Variants in RYR3 observed in about 807,000 individuals in gnomAD.
RYR3 encodes ryanodine receptor 3.
A neutral mutation model predicts 584.3 loss-of-function variants in RYR3; 207 were observed. The observed-to-expected ratio is 0.35, with a 90% confidence interval of 0.32 to 0.40. The LOEUF is 0.40. RYR3 is among the 10% of genes least tolerant of loss of function. RYR3 has a pLI of 1.00. For missense variants in RYR3, 5,616 were observed against 6,089.2 expected (o/e 0.92, Z 2.59); for synonymous variants, 2,416 against 2,248.5 (o/e 1.07, Z -2.11).
chr15:33,565,424 G>C (rs1442122991), intron 11 of RYR3, among the ~76,000 whole-genome samples: 1 of 152,054 alleles, frequency 6.6e-6, no homozygotes, highest in Non-Finnish European at 1.5e-5. Flanking sequence ...GCAAAGTCTT[G>C]TTTCAAAAAT....
rs995420538 is a variant in RYR3 at position 33,412,252 on chromosome 15, C to A, written c.52-61167C>A. On this transcript the variant is annotated intron_variant, in intron 1 of 103. Transcript: ENST00000634891. This position sits in a 1 kb window ranked among gnomAD's most constrained non-coding sequence, Gnocchi z 4.3. ...CCATGCAGCTTTTCAATTTAGTAACCCCTTTGGCTTGAGGCTGGGAAGGCC... is the reference window on the plus strand; with the variant it reads ...CCATGCAGCTTTTCAATTTAGTAACACCTTTGGCTTGAGGCTGGGAAGGCC... Among the ~76,000 whole-genome samples, 2 of 152,030 alleles carry A rather than the reference C, an allele frequency of 1.3e-5. No homozygotes were observed. The highest frequency in any genetic ancestry group is 2.9e-5 in the Non-Finnish European group (2 of 68,014).
intron 1 of RYR3, among the ~76,000 whole-genome samples, chr15:33,425,849 A>G (rs530240868): frequency 1.8e-4 from 28 of 152,036 alleles, no homozygotes; most frequent in East Asian, 7.8e-4. Context: ...TCACCGTGTT[A>G]GCCAGGATGG....
In RYR3 at chr15:33,541,222, G is replaced by T. The variant is rs77545819; in HGVS notation, c.646+332G>T. 8.4e-3 allele frequency among the ~76,000 whole-genome samples: 1,273 copies of T among 152,102 alleles called. 22 individuals are homozygous for T. Among genetic ancestry groups the T allele is most frequent in the African/African-American group, 0.029 (1,198 of 41,498 alleles). ...TTTGCTTACTAGTTGTAAGTATAAA[G>T]ACCTCAGCACCTTCAGTTTTAGAAG... On this transcript the variant is annotated intron_variant, in intron 7 of 103. Transcript: ENST00000634891.
At chr15:33,769,251 G>T in intron 62 of RYR3, 79 bp downstream of exon 62, 1 of 1,063,850 alleles carries the variant, frequency 9.4e-7, no homozygotes. Flanking sequence ...ATACTGAAGA[G>T]AAGACAGATC....
intron 24 of RYR3, 55 bp from the exon 25 acceptor site, chr15:33,634,531 G>C: frequency 2.5e-6 from 4 of 1,586,794 alleles, no homozygotes; most frequent in Middle Eastern, 3.3e-4. Context: ...AATAGGGTGA[G>C]CTGTGGTGAA....
At chr15:33,325,622 CCTTTT>C (rs1385134473) in intron 1 of RYR3, among the ~76,000 whole-genome samples, 3 of 151,808 alleles carry the variant, frequency 2.0e-5, no homozygotes, top group African/African-American at 7.3e-5. Flanking sequence ...TCCTTTCTTT[CCTTTT>C]CTTTTCTTTT....
At position 33,748,456 on chromosome 15, in the gene RYR3, T is replaced by C. The variant is rs764420128; in HGVS notation, c.8137-12T>C. The C allele has an allele frequency of 1.9e-6, 3 of 1,612,724 alleles. No homozygotes were observed. In the Admixed American group the frequency reaches 5.0e-5, roughly 27 times the overall value. On this transcript the variant is annotated splice_polypyrimidine_tract_variant and intron_variant, in intron 54 of 103. Transcript: ENST00000634891. Reference sequence around the variant, plus strand: ...TAATGGCAACCCAGTGACTCTGCCTTTGCTTTCCTAGGGCAACAGCTACAG... The same window carrying C: ...TAATGGCAACCCAGTGACTCTGCCTCTGCTTTCCTAGGGCAACAGCTACAG...
chr15:33,346,638 CG>C (rs904867056), intron 1 of RYR3, among the ~76,000 whole-genome samples: 1 of 152,038 alleles, frequency 6.6e-6, no homozygotes, highest in African/African-American at 2.4e-5. Context: ...CCCTGTTGTG[CG>C]GGGGGCACCT....
At chr15:33,467,639 G>A (rs751908120) in intron 1 of RYR3, among the ~76,000 whole-genome samples, 1 of 152,248 alleles carries the variant, frequency 6.6e-6, no homozygotes, top group Non-Finnish European at 1.5e-5. Flanking sequence ...GCCAAAGGCT[G>A]TATATCCTTG....
chr15:33,700,789 GGGGA>G (rs2066242577), intron 41 of RYR3, among the ~76,000 whole-genome samples, 184 bp from the exon 42 acceptor site: 1 of 152,160 alleles, frequency 6.6e-6, no homozygotes, highest in Admixed American at 6.5e-5. Context: ...CAATGAATGT[GGGGA>G]GGAAGGATAG....
At chr15:33,812,643 A>C (rs1040295966) in intron 72 of RYR3, among the ~76,000 whole-genome samples, 3 of 152,232 alleles carry the variant, frequency 2.0e-5, no homozygotes, top group Non-Finnish European at 4.4e-5. Context: ...AGAGATGACG[A>C]GATAGAAAAT....
chr15:33,383,029 A>G (rs117904574), intron 1 of RYR3, among the ~76,000 whole-genome samples: 165 of 152,216 alleles, frequency 1.1e-3, no homozygotes, highest in African/African-American at 3.8e-3. Flanking sequence ...TAAGAAAACA[A>G]TGTAATCATA....
At chr15:33,648,220 A>G (rs914660004) in intron 30 of RYR3, among the ~76,000 whole-genome samples, 1 of 152,192 alleles carries the variant, frequency 6.6e-6, no homozygotes, top group Non-Finnish European at 1.5e-5. Flanking sequence ...ATTATGCACA[A>G]TATTATGCAC....
At chr15:33,666,825 C>A (rs1037261538) in intron 36 of RYR3, among the ~76,000 whole-genome samples, 4 of 152,166 alleles carry the variant, frequency 2.6e-5, no homozygotes, top group Non-Finnish European at 4.4e-5. Flanking sequence ...AAGGGCATGA[C>A]CTGCAGTGGA....
In RYR3 at chr15:33,837,963, G is replaced by A. The variant is rs1462432911; in HGVS notation, c.11983G>A (p.Ala3995Thr). 7 of 1,613,984 alleles carry A rather than the reference G, an allele frequency of 4.3e-6. No individual in the cohort carries two copies. The highest frequency in any genetic ancestry group is 5.9e-6 in the Non-Finnish European group (7 of 1,179,890). Residue 3995 changes from alanine to threonine, a missense_variant, in exon 89 of 104, where the codon GCT becomes ACT. Around this residue, in one of 9 missense-constraint regions of RYR3, gnomAD observed 258 missense variants for 297.3 expected, o/e 0.87. Coordinates refer to ENST00000634891, the MANE Select transcript of RYR3 (RefSeq NM_001036.6). The stretch of plus-strand genomic sequence containing the variant: ...AGCCAAGGACATAGGGTTTAATGTG[G>A]CTGTGTTATTGACAAATCTTTCTGA... ...EPAKDIGFNV[A>T]VLLTNLSEHM...
chr15:33,523,886 C>G (rs1166268120), intron 3 of RYR3, among the ~76,000 whole-genome samples: 1 of 152,044 alleles, frequency 6.6e-6, no homozygotes, highest in Non-Finnish European at 1.5e-5. Flanking sequence ...GGCTGCCTCT[C>G]TAGCGTTTCC....
intron 2 of RYR3, among the ~76,000 whole-genome samples, chr15:33,496,640 C>T (rs913663397): frequency 1.3e-5 from 2 of 152,026 alleles, no homozygotes; most frequent in Non-Finnish European, 2.9e-5. Context: ...TGCACACACA[C>T]AATACAAAAA....
chr15:33,612,418 T>C (rs2060241125), intron 18 of RYR3, among the ~76,000 whole-genome samples: 1 of 152,248 alleles, frequency 6.6e-6, no homozygotes, highest in South Asian at 2.1e-4. Flanking sequence ...TGGAGTGCAA[T>C]GGCACGGTCT....
rs570172784 is a variant in RYR3, at chr15:33,626,634, A to T, written c.2575-1837A>T. Among the ~76,000 whole-genome samples, 20 of 152,246 alleles carry T rather than the reference A, an allele frequency of 1.3e-4. No individual in the cohort carries two copies. In the South Asian group the frequency reaches 3.9e-3, roughly 30 times the overall value. On this transcript the variant is annotated intron_variant, in intron 20 of 103. Coordinates refer to ENST00000634891, the MANE Select transcript of RYR3 (RefSeq NM_001036.6). ...CCCCTCCCAGAGGCCTAGAAGGAAA[A>T]AATGATTTTCTGGGCTGGGCCCAGG...
Sources: gnomAD v4.1 joint callset for allele counts (sites outside exome capture counted in the v4.1 genomes callset) on GRCh38, gnomAD v4.1.1 for gene constraint, gnomAD v4.1.1 regional missense constraint, Gnocchi (gnomAD v3.1) non-coding constraint, MANE v1.5 for transcripts, NCBI Gene and HGNC (gene_info 2026-07-23, HGNC 2026-07-21) for gene names.